LRRC37A: variants seen among roughly 807,000 people sequenced by gnomAD.
LRRC37A encodes the protein leucine-rich repeat-containing protein 37A.
Under a neutral mutation model 35.4 loss-of-function variants are expected in LRRC37A, and 3 were observed. The ratio of observed to expected loss-of-function variants is 0.08; its 90% CI spans 0.04 to 0.22. The LOEUF (loss-of-function observed/expected upper bound fraction) is 0.22. Ranked by LOEUF, LRRC37A falls within the 10% of genes least tolerant of loss-of-function variation. The pLI is 1.00. For missense variants in LRRC37A, 67 were observed against 565.3 expected (o/e 0.12, Z 8.94); for synonymous variants, 23 against 215.0 (o/e 0.11, Z 7.81).
chr17:46,256,350 A>C, the LRRC37A span, among the ~76,000 whole-genome samples: 1 of 151,780 alleles, frequency 6.6e-6, no homozygotes, highest in Non-Finnish European at 1.5e-5. Context: ...ATGTCATTGC[A>C]CTCCAGCCTC....
the LRRC37A span, among the ~76,000 whole-genome samples, chr17:46,257,885 C>T: frequency 1.3e-5 from 2 of 152,052 alleles, no homozygotes; most frequent in Non-Finnish European, 2.9e-5. Context: ...TTATATCACA[C>T]TTTCTGTGGG....
At chr17:46,330,317 G>A in intron 8 of LRRC37A, 133 bp from the exon 9 acceptor site, 1 of 27,438 alleles carries the variant, frequency 3.6e-5, no homozygotes, top group African/African-American at 3.7e-4. Flanking sequence ...GATTGGGTGT[G>A]TGTTTCTCCT....
chr17:46,274,803 A>C, the LRRC37A span: 2 of 152,450 alleles, frequency 1.3e-5, no homozygotes, highest in Non-Finnish European at 2.9e-5. Context: ...TTTAATAAAC[A>C]AAATTTTCTC....
At chr17:46,259,932 C>T in the LRRC37A span, 1 of 1,574,622 alleles carries the variant, frequency 6.4e-7, no homozygotes, top group Non-Finnish European at 8.6e-7. Flanking sequence ...CCACAAGCTG[C>T]TGGCGAAGTC....
At chr17:46,271,332 ATTTTTTT>A in the LRRC37A span, among the ~76,000 whole-genome samples, 17 of 125,664 alleles carry the variant, frequency 1.4e-4, no homozygotes, top group Admixed American at 3.4e-4. Context: ...TACCTAGCTA[ATTTTTTT>A]TTTTTTTTTT....
chr17:46,272,661 CT>C, the LRRC37A span, among the ~76,000 whole-genome samples: 1 of 152,226 alleles, frequency 6.6e-6, no homozygotes, highest in African/African-American at 2.4e-5. Flanking sequence ...GTGATCCCCC[CT>C]GCCTCGGCCT....
the LRRC37A span, among the ~76,000 whole-genome samples, chr17:46,275,892 C>A: frequency 7.4e-5 from 11 of 149,180 alleles, no homozygotes; most frequent in African/African-American, 2.8e-4. Flanking sequence ...GTTTTATTCA[C>A]AATTTTTTTT....
the LRRC37A span, among the ~76,000 whole-genome samples, chr17:46,286,399 G>A: frequency 6.6e-6 from 1 of 152,182 alleles, no homozygotes; most frequent in East Asian, 1.9e-4. Context: ...GTACCATGTG[G>A]GAGTTCAAAA....
At chr17:46,261,485 C>T in the LRRC37A span, among the ~76,000 whole-genome samples, 7 of 152,094 alleles carry the variant, frequency 4.6e-5, no homozygotes, top group South Asian at 2.1e-4. Flanking sequence ...GATCTCAGCT[C>T]GCTGCAACAT....
the LRRC37A span, among the ~76,000 whole-genome samples, chr17:46,257,002 T>C: frequency 2.0e-5 from 3 of 152,262 alleles, no homozygotes; most frequent in African/African-American, 7.2e-5. Context: ...TTCAACCTTA[T>C]ATTAAGAGCA....
At chr17:46,337,225 CAG>C in intron 11 of LRRC37A, 69 bp from the exon 12 acceptor site, 8 of 416,540 alleles carry the variant, frequency 1.9e-5, no homozygotes, top group Non-Finnish European at 3.0e-5. Flanking sequence ...CTAATAAGAC[CAG>C]AGAAGTACAT....
the LRRC37A span, among the ~76,000 whole-genome samples, chr17:46,255,220 C>T: frequency 3.9e-5 from 6 of 152,112 alleles, no homozygotes; most frequent in Admixed American, 2.0e-4. Flanking sequence ...CTTCCTTCCT[C>T]GGCCTCTCAA....
At chr17:46,250,382 C>A in the LRRC37A span, among the ~76,000 whole-genome samples, 1 of 152,320 alleles carries the variant, frequency 6.6e-6, no homozygotes, top group East Asian at 1.9e-4. Context: ...AAATATTGAT[C>A]TTGGGTGTGT....
upstream of LRRC37A, among the ~76,000 whole-genome samples, chr17:46,288,500 G>A (rs1191035490): frequency 2.6e-5 from 4 of 151,992 alleles, no homozygotes; most frequent in South Asian, 2.1e-4. Context: ...GTTGTGCCAC[G>A]TTGGCCAGGC....
chr17:46,261,606 T>A, the LRRC37A span, among the ~76,000 whole-genome samples: 68 of 152,138 alleles, frequency 4.5e-4, no homozygotes, highest in East Asian at 0.012. Flanking sequence ...AGAGATGGGG[T>A]TTCTCCATGT....
At chr17:46,249,656 G>A in the LRRC37A span, among the ~76,000 whole-genome samples, 7 of 152,248 alleles carry the variant, frequency 4.6e-5, no homozygotes, top group Admixed American at 2.6e-4. Flanking sequence ...GGGAGGGGGC[G>A]CCCACTAAAC....
the LRRC37A span, among the ~76,000 whole-genome samples, chr17:46,274,293 A>G: frequency 8.5e-5 from 13 of 152,382 alleles, no homozygotes; most frequent in African/African-American, 2.9e-4. Context: ...TACAAAGAAG[A>G]TACCTTCAAA....
the LRRC37A span, among the ~76,000 whole-genome samples, chr17:46,271,156 A>T: frequency 7.3e-6 from 1 of 136,306 alleles, no homozygotes; most frequent in Non-Finnish European, 1.7e-5. Context: ...GACCTATGGT[A>T]ATAGTTTCTT....
chr17:46,276,770 T>G, the LRRC37A span, among the ~76,000 whole-genome samples: 1 of 152,064 alleles, frequency 6.6e-6, no homozygotes, highest in African/African-American at 2.4e-5. Context: ...TTCTTTGCAT[T>G]GTAATTTTTT....
Sources: allele counts gnomAD v4.1 joint callset (sites outside exome capture counted in the v4.1 genomes callset), GRCh38; gene constraint gnomAD v4.1.1; transcripts MANE v1.5; gene names NCBI Gene and HGNC (gene_info 2026-07-23, HGNC 2026-07-21).